Variants in TPST2 observed in about 807,000 individuals in gnomAD.
The protein encoded by TPST2 is tyrosylprotein sulfotransferase 2.
A neutral mutation model predicts 27.8 loss-of-function variants in TPST2; 16 were observed. The ratio of observed to expected loss-of-function variants is 0.58; its 90% confidence interval spans 0.39 to 0.88. The LOEUF (loss-of-function observed/expected upper bound fraction) is 0.88, where lower values mean the gene tolerates loss of function less well. Among genes scored for constraint, TPST2 ranks in the 40% least tolerant of loss-of-function variants. The pLI is 0.00. For missense variants in TPST2, 464 were observed against 543.1 expected (o/e 0.85, Z 1.45); for synonymous variants, 229 against 231.7 (o/e 0.99, Z 0.10).
intron 1 of TPST2, among the ~76,000 whole-genome samples, chr22:26,563,345 T>C (rs1320355972): frequency 1.3e-5 from 2 of 149,708 alleles, no homozygotes; most frequent in South Asian, 2.1e-4. Context: ...TTTTTTTTTT[T>C]TTTAAGACAG....
chr22:26,535,375 G>T (rs904526916), intron 4 of TPST2, among the ~76,000 whole-genome samples: 1 of 152,206 alleles, frequency 6.6e-6, no homozygotes, highest in Non-Finnish European at 1.5e-5. Flanking sequence ...AAGGAAGTTA[G>T]AACACAGCAC....
At position 26,539,246 on chromosome 22, in the gene TPST2, G is replaced by A. The variant is rs1925658067; in HGVS notation, c.842+1543C>T. On this transcript the variant is annotated intron_variant, in intron 3 of 6. Transcript: ENST00000338754. ...CCAGCCATGGGAAGGACCAGCCATG[G>A]GAAGGACCACCCTTTCACTGAGCTC... Among the ~76,000 whole-genome samples the A allele has an allele frequency of 2.0e-5, 3 of 152,168 alleles. No individual in the cohort carries two copies. In the South Asian group the frequency reaches 6.2e-4, roughly 32 times the overall value.
intron 5 of TPST2, among the ~76,000 whole-genome samples, chr22:26,530,045 A>G (rs1925066663): frequency 6.6e-6 from 1 of 152,172 alleles, no homozygotes; most frequent in African/African-American, 2.4e-5. Context: ...AACCAAAAAG[A>G]TGATGTAGGC....
chr22:26,571,948 T>C (rs1927644358), intron 1 of TPST2, among the ~76,000 whole-genome samples: 1 of 152,140 alleles, frequency 6.6e-6, no homozygotes, highest in Admixed American at 6.5e-5. Flanking sequence ...CCCCTGCCTG[T>C]CCCCATATGG....
At chr22:26,553,592 G>A (rs117237258) in intron 1 of TPST2, among the ~76,000 whole-genome samples, 1,868 of 152,098 alleles carry the variant, frequency 0.012, 115 homozygotes, top group Admixed American at 0.097. Context: ...GCCAGTCTGA[G>A]TTTAATCCTC....
chr22:26,584,916 C>T (rs559586642), intron 1 of TPST2, among the ~76,000 whole-genome samples: 3 of 152,260 alleles, frequency 2.0e-5, no homozygotes, highest in African/African-American at 7.2e-5. Context: ...TTTTGACAGA[C>T]GGAGGAACTA....
chr22:26,530,420 C>T (rs535050082), intron 5 of TPST2, among the ~76,000 whole-genome samples: 15 of 152,280 alleles, frequency 9.9e-5, no homozygotes, highest in Admixed American at 7.2e-4. Flanking sequence ...GACTGCTTAC[C>T]TAAGAATGGT....
intron 1 of TPST2, among the ~76,000 whole-genome samples, chr22:26,545,938 G>A (rs912037339): frequency 2.6e-5 from 4 of 152,006 alleles, no homozygotes; most frequent in Non-Finnish European, 5.9e-5. Flanking sequence ...AGTTATCCAG[G>A]TGATGGTACC....
rs1199558543 is a variant in TPST2 at position 26,525,209 on chromosome 22, C to G, written c.*1066G>C. 1 of 152,194 alleles carries G rather than the reference C, an allele frequency of 6.6e-6. No homozygotes were observed. Among genetic ancestry groups the G allele is most frequent in the Admixed American group, 6.5e-5 (1 of 15,272 alleles). 9.4% of individuals were successfully genotyped at this position (152,194 alleles called of 1,614,324 possible). ...AAGCTTGAGGCCGGTCTCTCCCGGA[C>G]TCTGCCCTATGCACCTTTTTCTTTT... On this transcript the variant is annotated 3_prime_UTR_variant, in exon 7 of 7. Coordinates refer to ENST00000338754, the MANE Select transcript of TPST2 (RefSeq NM_003595.5).
At chr22:26,543,816 G>A (rs1366941170) in intron 2 of TPST2, among the ~76,000 whole-genome samples, 3 of 152,174 alleles carry the variant, frequency 2.0e-5, no homozygotes, top group Admixed American at 6.5e-5. Context: ...AGACAGCAAT[G>A]ACCTGCACGA....
At chr22:26,543,005 C>G (rs1569182569) in intron 2 of TPST2, 2 of 152,334 alleles carry the variant, frequency 1.3e-5, no homozygotes, top group Admixed American at 6.5e-5. Flanking sequence ...GGGGTGGAAA[C>G]TGCTAAGAGG....
chr22:26,557,299 G>A (rs917677518), intron 1 of TPST2, among the ~76,000 whole-genome samples: 2 of 152,222 alleles, frequency 1.3e-5, no homozygotes, highest in Non-Finnish European at 2.9e-5. Context: ...CAGACTGGGC[G>A]TGCACCTGCA....
intron 1 of TPST2, chr22:26,550,518 CA>C (rs773761177): frequency 1.1e-4 from 101 of 898,080 alleles, no homozygotes; most frequent in Admixed American, 2.5e-4. Context: ...AGAAAAGCGG[CA>C]GGGGGGCAGG....
chr22:26,542,079 T>C (rs1205006850), intron 2 of TPST2, among the ~76,000 whole-genome samples: 1 of 151,578 alleles, frequency 6.6e-6, no homozygotes, highest in Admixed American at 6.6e-5. Flanking sequence ...CCATCTCTAC[T>C]AAAATACAAA....
At chr22:26,571,136 T>C (rs1927608546) in intron 1 of TPST2, among the ~76,000 whole-genome samples, 1 of 152,164 alleles carries the variant, frequency 6.6e-6, no homozygotes, top group African/African-American at 2.4e-5. Flanking sequence ...GCCTTACAGG[T>C]TTGACCCCAC....
In TPST2 at chr22:26,540,963, G is replaced by A; in HGVS notation, c.668C>T (p.Ala223Val). The change falls in exon 3 of 7, where the codon GCC (alanine) becomes GTC (valine). Residue 223 changes from alanine (A) to valine (V), a missense_variant. Coordinates refer to ENST00000338754, the MANE Select transcript of TPST2 (RefSeq NM_003595.5). ...KWNKAIEVMY[A>V]QCMEVGKEKC... ...CTCCTTGCCTACCTCCATGCACTGGGCGTACATCACCTCGATGGCCTTGTT... is the reference window on the plus strand; with the variant it reads ...CTCCTTGCCTACCTCCATGCACTGGACGTACATCACCTCGATGGCCTTGTT... 6.2e-7 allele frequency: 1 copy of A among 1,614,200 alleles called. No homozygotes were observed. The highest frequency in any genetic ancestry group is 8.5e-7 in the Non-Finnish European group (1 of 1,180,040).
intron 1 of TPST2, chr22:26,550,615 AGTGCCCAC>A: frequency 2.0e-6 from 2 of 985,576 alleles, no homozygotes; most frequent in Non-Finnish European, 2.4e-6. Context: ...AGCAGGGCCC[AGTGCCCAC>A]GTGCTCAGGC....
chr22:26,589,703 G>A (rs1041394909), intron 1 of TPST2, among the ~76,000 whole-genome samples: 3 of 152,120 alleles, frequency 2.0e-5, no homozygotes, highest in African/African-American at 7.2e-5. Flanking sequence ...GACTCCGGAG[G>A]CGGGGACGCG....
chr22:26,536,549 C>T, intron 3 of TPST2, 63 bp from the exon 4 acceptor site: 1 of 1,379,198 alleles, frequency 7.3e-7, no homozygotes, highest in Non-Finnish European at 9.5e-7. Context: ...AGCGGATTCC[C>T]TGCTCAGCCA....
Sources: allele counts gnomAD v4.1 joint callset (sites outside exome capture counted in the v4.1 genomes callset), GRCh38; gene constraint gnomAD v4.1.1; transcripts MANE v1.5; gene names NCBI Gene and HGNC (gene_info 2026-07-23, HGNC 2026-07-21).